The following NELL1 variants were observed in gnomAD, a reference collection of about 807,000 sequenced individuals.
NELL1 encodes protein kinase C-binding protein NELL1.
Under a neutral mutation model 107.4 loss-of-function variants are expected in NELL1, and 76 were observed. That is an observed-to-expected ratio of 0.71 (90% confidence interval 0.59 to 0.86). The LOEUF is 0.86. NELL1 is among the 40% of genes least tolerant of loss of function. The pLI is 0.00. For missense variants in NELL1, 1,024 were observed against 1,005.5 expected (o/e 1.02, Z -0.25); for synonymous variants, 353 against 341.2 (o/e 1.03, Z -0.38).
At chr11:21,254,225 A>G (rs1451601052) in intron 14 of NELL1, among the ~76,000 whole-genome samples, 1 of 152,106 alleles carries the variant, frequency 6.6e-6, no homozygotes, top group East Asian at 1.9e-4. Flanking sequence ...GAAAATAATA[A>G]ATGTGTCTCT....
chr11:21,361,259 A>ATTTTTTT (rs59239329), intron 14 of NELL1, among the ~76,000 whole-genome samples: 1 of 113,578 alleles, frequency 8.8e-6, no homozygotes, highest in African/African-American at 3.4e-5. Flanking sequence ...TTGTGTGACA[A>ATTTTTTT]TTTTTTTTTT....
chr11:21,233,383 C>G (rs1388067590), intron 14 of NELL1, among the ~76,000 whole-genome samples: 1 of 151,982 alleles, frequency 6.6e-6, no homozygotes, highest in Admixed American at 6.6e-5. Flanking sequence ...AGTTTTTTCC[C>G]TCCCTTTCCT....
At chr11:21,256,816 A>G (rs1858780996) in intron 14 of NELL1, among the ~76,000 whole-genome samples, 1 of 151,966 alleles carries the variant, frequency 6.6e-6, no homozygotes, top group African/African-American at 2.4e-5. Flanking sequence ...CATAGATTGT[A>G]TCTGGGAGGT....
At chr11:20,816,645 A>T (rs1857629605) in intron 3 of NELL1, among the ~76,000 whole-genome samples, 1 of 152,044 alleles carries the variant, frequency 6.6e-6, no homozygotes, top group Non-Finnish European at 1.5e-5. Flanking sequence ...TTCTGTTGCT[A>T]GATTGCTCTG....
chr11:21,150,901 C>G (rs1375209780), intron 13 of NELL1, among the ~76,000 whole-genome samples: 1 of 152,052 alleles, frequency 6.6e-6, no homozygotes, highest in Non-Finnish European at 1.5e-5. Flanking sequence ...GACTTATAAT[C>G]ATGGTGGAAG....
chr11:21,091,442 A>G (rs1041868902), intron 12 of NELL1, among the ~76,000 whole-genome samples: 1 of 152,234 alleles, frequency 6.6e-6, no homozygotes, highest in African/African-American at 2.4e-5. Flanking sequence ...TAATCTGAAA[A>G]TTCATTTTCA....
rs549052434 is a variant in NELL1, at chr11:20,959,365, C to T, written c.1172-1067C>T. Among the ~76,000 whole-genome samples the T allele has an allele frequency of 2.6e-5, 4 of 152,340 alleles. No homozygotes were observed. The East Asian group carries it at 7.7e-4, about 29-fold the overall frequency. The stretch of plus-strand genomic sequence containing the variant: ...AAGAACTCATTATACGAAAAAGACA[C>T]TTGCACGTGCATGTTGATAGCAGCA... On this transcript the variant is annotated intron_variant, in intron 11 of 19. Transcript: ENST00000357134.
chr11:20,684,660 G>A (rs529042244), intron 2 of NELL1, among the ~76,000 whole-genome samples: 16 of 152,080 alleles, frequency 1.1e-4, no homozygotes, highest in East Asian at 3.9e-4. Context: ...GAATTTTACC[G>A]TCTTTGGTAC....
intron 3 of NELL1, among the ~76,000 whole-genome samples, chr11:20,835,119 T>C (rs1848510985): frequency 6.6e-6 from 1 of 152,196 alleles, no homozygotes; most frequent in Non-Finnish European, 1.5e-5. Flanking sequence ...CTGAAGCACT[T>C]CTCTTACCCA....
intron 3 of NELL1, among the ~76,000 whole-genome samples, chr11:20,839,786 C>T (rs1848590675): frequency 6.6e-6 from 1 of 152,144 alleles, no homozygotes; most frequent in Admixed American, 6.6e-5. Context: ...GGTATATATT[C>T]TGTTTCCATA....
intron 16 of NELL1, among the ~76,000 whole-genome samples, chr11:21,553,369 A>C (rs1856636108): frequency 6.6e-6 from 1 of 151,734 alleles, no homozygotes; most frequent in South Asian, 2.1e-4. Context: ...ATTAAGGGAG[A>C]GCAGAAATGT....
chr11:21,313,999 C>G (rs1362969896), intron 14 of NELL1, among the ~76,000 whole-genome samples: 2 of 92,168 alleles, frequency 2.2e-5, no homozygotes, highest in South Asian at 5.1e-4. Flanking sequence ...TCTGCCCCCC[C>G]CCCCCCCCCC....
chr11:20,755,484 C>T (rs1418132419), intron 2 of NELL1, among the ~76,000 whole-genome samples: 2 of 151,226 alleles, frequency 1.3e-5, no homozygotes, highest in Non-Finnish European at 1.5e-5. Context: ...CTCAGCTGTA[C>T]AACAACAAGC....
At chr11:21,361,962 A>C (rs930174370) in intron 14 of NELL1, among the ~76,000 whole-genome samples, 1 of 152,144 alleles carries the variant, frequency 6.6e-6, no homozygotes, top group Non-Finnish European at 1.5e-5. Flanking sequence ...CTTAATAATC[A>C]ACCTTTCAAA....
intron 2 of NELL1, among the ~76,000 whole-genome samples, chr11:20,735,472 G>A (rs1437862740): frequency 6.6e-6 from 1 of 152,148 alleles, no homozygotes; most frequent in African/African-American, 2.4e-5. Context: ...ATTATGTCTT[G>A]TGAGAACTTA....
In NELL1 at chr11:20,801,938, C is replaced by T. The variant is rs113534990; in HGVS notation, c.335+18108C>T. On this transcript the variant is annotated intron_variant, in intron 3 of 19. Transcript: ENST00000357134. ...GTGTTCTCTATTCTGTTCCATTGGT[C>T]TATGTGTCTGTTTTTATGCCAGTGC... Among the ~76,000 whole-genome samples the T allele has an allele frequency of 2.9e-3, 438 of 152,240 alleles. 4 individuals carry two copies. The highest frequency in any genetic ancestry group is 0.01 in the African/African-American group (428 of 41,536).
chr11:20,807,492 G>A (rs964533675), intron 3 of NELL1, among the ~76,000 whole-genome samples: 1 of 152,230 alleles, frequency 6.6e-6, no homozygotes. Flanking sequence ...TGTTGAGTCA[G>A]AATGAAGCCA....
At chr11:20,867,553 G>A (rs1015574208) in intron 4 of NELL1, among the ~76,000 whole-genome samples, 55 of 152,228 alleles carry the variant, frequency 3.6e-4, no homozygotes, top group African/African-American at 4.8e-4. Context: ...AAGAACTTCC[G>A]TTTTCTGGGC....
intron 15 of NELL1, among the ~76,000 whole-genome samples, chr11:21,412,287 G>T (rs74396034): frequency 0.015 from 2,307 of 152,036 alleles, 59 homozygotes; most frequent in African/African-American, 0.05. Flanking sequence ...TAATGATTTT[G>T]TTTGGGGTGA....
Sources: allele counts gnomAD v4.1 joint callset (sites outside exome capture counted in the v4.1 genomes callset), GRCh38; gene constraint gnomAD v4.1.1; transcripts MANE v1.5; gene names NCBI Gene and HGNC (gene_info 2026-07-23, HGNC 2026-07-21).